The following UPF1 variants were observed in gnomAD, a reference collection of about 807,000 sequenced individuals.
UPF1 encodes UPF1 RNA helicase and ATPase.
UPF1 carries 9 observed loss-of-function variants against 129.2 expected under a neutral mutation model. The ratio of observed to expected loss-of-function variants is 0.07; its 90% CI spans 0.04 to 0.12. The LOEUF (loss-of-function observed/expected upper bound fraction) is 0.12. UPF1 is among the 10% of genes least tolerant of loss of function. The pLI, the probability that UPF1 is intolerant of heterozygous loss-of-function variation, is 1.00. For missense variants in UPF1, 788 were observed against 1,525.3 expected, an observed-to-expected ratio of 0.52 and a Z score of 8.05; for synonymous variants, 649 against 644.9, an observed-to-expected ratio of 1.01 and a Z score of -0.10.
In UPF1 at chr19:18,868,159, CA is replaced by C. The variant is rs1420196323; in HGVS notation, c.*1644del. On this transcript the variant is annotated 3_prime_UTR_variant, in exon 24 of 24. Transcript: ENST00000262803. ...CAAACCCAGGCGCACTGTACCAAGG[CA>C]ATGTAACTTTTGATTTTCGGTCAAT... The C allele has an allele frequency of 1.3e-5, 3 of 237,202 alleles. No individual in the cohort carries two copies. Among genetic ancestry groups the C allele is most frequent in the Admixed American group, 5.0e-5 (1 of 19,874 alleles). The allele number at this position is 237,202 out of a possible 1,614,324, so 14.7% of individuals were successfully genotyped here. A position where few individuals can be genotyped will look rare whatever the true frequency, so the allele number is the denominator to read the frequency against.
At position 18,847,852 on chromosome 19, in the gene UPF1, C is replaced by G; in HGVS notation, c.461+19C>G. 2 of 1,610,494 alleles carry G rather than the reference C, an allele frequency of 1.2e-6. No homozygotes were observed. The highest frequency in any genetic ancestry group is 1.7e-6 in the Non-Finnish European group (2 of 1,176,720). On this transcript the variant is annotated intron_variant, in intron 3 of 23. Transcript: ENST00000262803. ...CTGGCAGGTAGATAATCAGACCATG[C>G]ATGTGTGTTTAATCAGTGCTGTGCT...
chr19:18,863,148 G>A (rs551047264), intron 18 of UPF1: 2 of 336,276 alleles, frequency 5.9e-6, no homozygotes, highest in Admixed American at 8.5e-5. Flanking sequence ...CCCGGTGCCT[G>A]GAAGGCCGAC....
chr19:18,855,964 C>G lies in UPF1; in HGVS notation c.1584C>G (p.Asp528Glu). Residue 528 changes from aspartate (D) to glutamate (E), a missense_variant, in exon 12 of 24, where the codon GAC (aspartate) becomes GAG (glutamate). By Grantham distance (45) the Asp-to-Glu change is conservative (BLOSUM62 2). This residue lies in a region of UPF1 where 91 missense variants were observed against 157.2 expected (regional missense o/e 0.58). Coordinates refer to ENST00000262803, the MANE Select transcript of UPF1 (RefSeq NM_002911.4). ...GTGCTCCGAGCAACATCGCCGTGGA[C>G]CAGCTAACGGAGAAGATCCACCAGA... is the stretch of plus-strand genomic sequence containing the variant. Reference protein sequence around the residue: ...LVCAPSNIAVDQLTEKIHQTG... With the variant: ...LVCAPSNIAVEQLTEKIHQTG... The G allele has an allele frequency of 1.2e-6, 2 of 1,613,944 alleles. No homozygotes were observed. Among genetic ancestry groups the G allele is most frequent in the Non-Finnish European group, 1.7e-6 (2 of 1,180,028 alleles).
chr19:18,856,742 G>A, intron 13 of UPF1, 135 bp from the exon 14 acceptor site: 1 of 1,286,734 alleles, frequency 7.8e-7, no homozygotes, highest in South Asian at 1.6e-5. Flanking sequence ...ATCTTGTCTG[G>A]GAGGGACAGC....
In UPF1 at chr19:18,850,448, G is replaced by A. The variant is rs540063521; in HGVS notation, c.629+206G>A. The stretch of plus-strand genomic sequence containing the variant: ...CAGTGCCGTGTAACTCTTTTGGGGC[G>A]TTCTGGCTAAGTCATAAAAACAATT... On this transcript the variant is annotated intron_variant, in intron 4 of 23. Transcript: ENST00000262803. The surrounding 1 kb of genome is among the most constrained non-coding windows in gnomAD (Gnocchi z 7.1). Among the ~76,000 whole-genome samples, 5 of 152,254 alleles carry A rather than the reference G, an allele frequency of 3.3e-5. No individual in the cohort carries two copies. The highest frequency in any genetic ancestry group is 5.9e-5 in the Non-Finnish European group (4 of 68,042).
At chr19:18,856,505 C>T (rs564327104) in intron 13 of UPF1, among the ~76,000 whole-genome samples, 154 of 152,288 alleles carry the variant, frequency 1.0e-3, no homozygotes, top group Non-Finnish European at 1.8e-3. Context: ...GTCTCCACTC[C>T]CTGCCAGCCT....
intron 19 of UPF1, 95 bp from the exon 20 acceptor site, chr19:18,864,075 A>G (rs1201670187): frequency 3.7e-6 from 4 of 1,082,880 alleles, no homozygotes; most frequent in Non-Finnish European, 5.7e-6. Flanking sequence ...AACACCTCAC[A>G]GCTGCATACC....
At chr19:18,835,485 G>T (rs899589964) in intron 1 of UPF1, among the ~76,000 whole-genome samples, 2 of 151,956 alleles carry the variant, frequency 1.3e-5, no homozygotes, top group Admixed American at 6.6e-5. Context: ...GGGATTACAG[G>T]TGCACACCAC....
intron 15 of UPF1, among the ~76,000 whole-genome samples, chr19:18,857,869 A>T (rs1458422674): frequency 6.6e-6 from 1 of 152,212 alleles, no homozygotes; most frequent in African/African-American, 2.4e-5. Context: ...GTGCTTCATG[A>T]AGAACAGCTG....
At position 18,852,131 on chromosome 19, in the gene UPF1, C is replaced by G. The variant is rs1299528605; in HGVS notation, c.811-4C>G. 1 of 1,602,028 alleles carries G rather than the reference C, an allele frequency of 6.2e-7. No homozygotes were observed. ...GAGTGTGGCGCGGTGTTGTTGTCTTCTAGGAAAACCCTTCTGCCACGCTGG... is the reference window on the plus strand; with the variant it reads ...GAGTGTGGCGCGGTGTTGTTGTCTTGTAGGAAAACCCTTCTGCCACGCTGG... On this transcript the variant is annotated splice_region_variant and splice_polypyrimidine_tract_variant and intron_variant, in intron 5 of 23. Coordinates refer to ENST00000262803, the MANE Select transcript of UPF1 (RefSeq NM_002911.4).
chr19:18,843,416 T>G (rs2055562012), intron 1 of UPF1, among the ~76,000 whole-genome samples: 1 of 151,882 alleles, frequency 6.6e-6, no homozygotes, highest in African/African-American at 2.4e-5. Flanking sequence ...AATGTTGGAG[T>G]AGATGTCTGC....
rs928024107 is a variant in UPF1, at chr19:18,854,647, A to G, written c.1203A>G (p.Ala401=). Reference sequence around the variant, plus strand: ...TTGAGCTGCGGAGCAGCGTGGGTGCACCTGTGGAGGTGACTCACAACTTCC... The same window carrying G: ...TTGAGCTGCGGAGCAGCGTGGGTGCGCCTGTGGAGGTGACTCACAACTTCC... ...IAIELRSSVG[A]PVEVTHNFQV... is the part of the protein sequence containing the mutation. The change falls in exon 9 of 24, where the codon GCA becomes GCG. Residue 401 remains alanine, a synonymous_variant. Transcript: ENST00000262803. 1.2e-6 allele frequency: 2 copies of G among 1,614,034 alleles called. No homozygotes were observed. The highest frequency in any genetic ancestry group is 1.7e-6 in the Non-Finnish European group (2 of 1,180,032).
chr19:18,832,961 G>T lies in UPF1; in HGVS notation c.231+521G>T, dbSNP rs2055444732. Among the ~76,000 whole-genome samples the T allele has an allele frequency of 6.6e-6, 1 of 152,142 alleles. No homozygotes were observed. The highest frequency in any genetic ancestry group is 2.4e-5 in the African/African-American group (1 of 41,424). On this transcript the variant is annotated intron_variant, in intron 1 of 23. Transcript: ENST00000262803. This position sits in a 1 kb window ranked among gnomAD's most constrained non-coding sequence, Gnocchi z 5.6. ...CTGCCTCGAGTTCTCCTACGACCTGGGCCGGGTCTTGCTCAGGCCGGAGCT... is the reference window on the plus strand; with the variant it reads ...CTGCCTCGAGTTCTCCTACGACCTGTGCCGGGTCTTGCTCAGGCCGGAGCT...
chr19:18,862,226 T>C (rs1440714189), intron 18 of UPF1, 74 bp downstream of exon 18: 2 of 1,575,216 alleles, frequency 1.3e-6, no homozygotes, highest in Non-Finnish European at 1.7e-6. Context: ...GGGGCTAGGG[T>C]TGGGGGTTGC....
In UPF1 at chr19:18,854,623, T is replaced by C. The variant is rs753830343; in HGVS notation, c.1179T>C (p.Ile393=). Residue 393 remains isoleucine (I), a synonymous_variant, in exon 9 of 24, where the codon ATT becomes ATC. Coordinates refer to ENST00000262803, the MANE Select transcript of UPF1 (RefSeq NM_002911.4). ...VPDNYGDEIA[I]ELRSSVGAPV... ...CAGATTATGGCGATGAGATCGCCAT[T>C]GAGCTGCGGAGCAGCGTGGGTGCAC... 1.2e-5 allele frequency: 19 copies of C among 1,613,522 alleles called. No individual in the cohort carries two copies. Among genetic ancestry groups the C allele is most frequent in the Non-Finnish European group, 1.4e-5 (16 of 1,179,670 alleles).
Position 18,851,757 on chromosome 19 carries a change from C to T in UPF1, c.811-378C>T, listed in dbSNP as rs539539328. ...GGCAGCCTGCGAGGCGGGTTAGCTGCTCTCGTTCACAAGCTGGGCATACTT... is the reference window on the plus strand; with the variant it reads ...GGCAGCCTGCGAGGCGGGTTAGCTGTTCTCGTTCACAAGCTGGGCATACTT... On this transcript the variant is annotated intron_variant, in intron 5 of 23. Coordinates refer to ENST00000262803, the MANE Select transcript of UPF1 (RefSeq NM_002911.4). The surrounding 1 kb of genome is among the most constrained non-coding windows in gnomAD (Gnocchi z 4.2). 1.3e-5 allele frequency among the ~76,000 whole-genome samples: 2 copies of T among 152,382 alleles called. No individual in the cohort carries two copies. Among genetic ancestry groups the T allele is most frequent in the South Asian group, 4.1e-4 (2 of 4,830 alleles).
Position 18,865,153 on chromosome 19 carries a change from G to A in UPF1, c.2858-136G>A, listed in dbSNP as rs143272545. On this transcript the variant is annotated intron_variant, in intron 20 of 23. Coordinates refer to ENST00000262803, the MANE Select transcript of UPF1 (RefSeq NM_002911.4). This position sits in a 1 kb window ranked among gnomAD's most constrained non-coding sequence, Gnocchi z 6.1. ...GCTGCTGTAGTTAACATGGAGTCCT[G>A]CGAATCCGCATCTTCAGCCTGGGCA... 2.8e-4 allele frequency: 325 copies of A among 1,160,666 alleles called. No homozygotes were observed. In the East Asian group the frequency reaches 7.2e-3, roughly 26 times the overall value. 71.9% of individuals were successfully genotyped at this position (1,160,666 alleles called of 1,614,324 possible).
chr19:18,833,059 CG>C, intron 1 of UPF1: 2 of 152,396 alleles, frequency 1.3e-5, no homozygotes, highest in Non-Finnish European at 2.9e-5. Flanking sequence ...TGGCCTGGTC[CG>C]GGGGTCCTGC....
At chr19:18,862,206 C>T in intron 18 of UPF1, 54 bp downstream of exon 18, 1 of 1,596,118 alleles carries the variant, frequency 6.3e-7, no homozygotes, top group South Asian at 1.1e-5. Context: ...CCTCACTTCC[C>T]AGGGAATTTG....
Sources: allele counts gnomAD v4.1 joint callset (sites outside exome capture counted in the v4.1 genomes callset), GRCh38; gene constraint gnomAD v4.1.1; regional missense constraint gnomAD v4.1.1; non-coding constraint Gnocchi (gnomAD v3.1); transcripts MANE v1.5; gene names NCBI Gene and HGNC (gene_info 2026-07-23, HGNC 2026-07-21).